SHISA9: variants seen among roughly 807,000 people sequenced by gnomAD.
The protein encoded by SHISA9 is protein shisa-9.
SHISA9 carries 13 observed loss-of-function variants against 38.0 expected under a neutral mutation model. That is an observed-to-expected ratio of 0.34 (90% CI 0.22 to 0.54). SHISA9 has a LOEUF of 0.54. SHISA9 is among the 20% of genes least tolerant of loss of function. SHISA9 has a pLI of 0.91. For synonymous variants in SHISA9, 275 were observed against 242.0 expected, an observed-to-expected ratio of 1.14 and a Z score of -1.27; for missense variants, 538 against 575.8, an observed-to-expected ratio of 0.93 and a Z score of 0.67.
the SHISA9 span, among the ~76,000 whole-genome samples, chr16:13,468,835 A>G: frequency 3.9e-5 from 6 of 152,046 alleles, no homozygotes; most frequent in South Asian, 2.1e-4. Flanking sequence ...AATAAAATAT[A>G]TATGTATTCT....
the SHISA9 span, among the ~76,000 whole-genome samples, chr16:13,462,187 T>C: frequency 6.6e-6 from 1 of 151,676 alleles, no homozygotes; most frequent in African/African-American, 2.4e-5. Flanking sequence ...GGGAGGATTA[T>C]TCGAGCCCAG....
intron 2 of SHISA9, among the ~76,000 whole-genome samples, chr16:13,155,599 TG>T (rs2050537732): frequency 1.3e-5 from 2 of 151,774 alleles, no homozygotes; most frequent in Non-Finnish European, 2.9e-5. Context: ...GGTGTGTGTG[TG>T]TGTGTCTGTG....
chr16:13,494,095 A>G, the SHISA9 span, among the ~76,000 whole-genome samples: 1 of 152,232 alleles, frequency 6.6e-6, no homozygotes, highest in Non-Finnish European at 1.5e-5. Context: ...AGAAGGATAG[A>G]GAAATAGTGG....
At chr16:13,157,169 C>T (rs1198746384) in intron 2 of SHISA9, among the ~76,000 whole-genome samples, 1 of 152,144 alleles carries the variant, frequency 6.6e-6, no homozygotes, top group East Asian at 1.9e-4. Context: ...TCCCCCCATC[C>T]ATCCATCCAT....
the SHISA9 span, among the ~76,000 whole-genome samples, chr16:13,512,973 C>A: frequency 6.6e-6 from 1 of 152,040 alleles, no homozygotes; most frequent in African/African-American, 2.4e-5. Flanking sequence ...ATGAAAACAC[C>A]AAAAGCAATT....
chr16:13,332,398 T>C, the SHISA9 span: 10 of 152,158 alleles, frequency 6.6e-5, no homozygotes, highest in African/African-American at 2.2e-4. Context: ...CCATTTCTTG[T>C]TGGAAAAATA....
At chr16:13,522,402 T>TC in the SHISA9 span, among the ~76,000 whole-genome samples, 1 of 152,014 alleles carries the variant, frequency 6.6e-6, no homozygotes, top group Non-Finnish European at 1.5e-5. Context: ...CATCGGCCCC[T>TC]CCCCCTCAGT....
chr16:13,452,358 G>A, the SHISA9 span, among the ~76,000 whole-genome samples: 1 of 152,206 alleles, frequency 6.6e-6, no homozygotes, highest in Non-Finnish European at 1.5e-5. Flanking sequence ...CTGAGGCTTT[G>A]CTTCTTATTC....
chr16:13,285,686 C>T, the SHISA9 span, among the ~76,000 whole-genome samples: 2 of 152,044 alleles, frequency 1.3e-5, no homozygotes, highest in South Asian at 4.1e-4. Flanking sequence ...GTATATAAGA[C>T]ATTATCCTAA....
the SHISA9 span, among the ~76,000 whole-genome samples, chr16:13,449,246 A>T: frequency 6.6e-6 from 1 of 152,244 alleles, no homozygotes; most frequent in South Asian, 2.1e-4. Context: ...CAAAGACAGC[A>T]AGAAATAGAC....
At chr16:13,312,740 A>G in the SHISA9 span, among the ~76,000 whole-genome samples, 1 of 152,214 alleles carries the variant, frequency 6.6e-6, no homozygotes, top group African/African-American at 2.4e-5. Context: ...AATATGGAAT[A>G]TTATGCTCTC....
intron 2 of SHISA9, among the ~76,000 whole-genome samples, chr16:13,037,857 A>G (rs2073092681): frequency 6.6e-6 from 1 of 152,218 alleles, no homozygotes; most frequent in South Asian, 2.1e-4. Context: ...ATCAAGGGTC[A>G]CTTAAAAATC....
the SHISA9 span, among the ~76,000 whole-genome samples, chr16:13,410,547 A>G: frequency 6.6e-6 from 1 of 152,206 alleles, no homozygotes; most frequent in Non-Finnish European, 1.5e-5. Context: ...AAAATTAAAG[A>G]CGGTGCTAAT....
chr16:13,419,144 C>G, the SHISA9 span, among the ~76,000 whole-genome samples: 1 of 152,186 alleles, frequency 6.6e-6, no homozygotes, highest in African/African-American at 2.4e-5. Context: ...ACCTCACCCT[C>G]CAGGGTTTAG....
At chr16:13,305,129 G>C in the SHISA9 span, among the ~76,000 whole-genome samples, 3 of 152,128 alleles carry the variant, frequency 2.0e-5, no homozygotes, top group Middle Eastern at 3.2e-3. Context: ...GTCTGAACAC[G>C]AAATTCATTT....
the SHISA9 span, among the ~76,000 whole-genome samples, chr16:13,310,102 G>T: frequency 6.6e-6 from 1 of 152,134 alleles, no homozygotes; most frequent in East Asian, 1.9e-4. Context: ...TGGCCAGGCT[G>T]GTCTTGAACT....
chr16:13,014,009 G>A (rs545855622), intron 2 of SHISA9, among the ~76,000 whole-genome samples: 1 of 152,134 alleles, frequency 6.6e-6, no homozygotes, highest in Non-Finnish European at 1.5e-5. Flanking sequence ...GATTACAGGC[G>A]TGAACCACCG....
chr16:13,320,639 A>T, the SHISA9 span, among the ~76,000 whole-genome samples: 1 of 152,224 alleles, frequency 6.6e-6, no homozygotes, highest in African/African-American at 2.4e-5. Context: ...TCTTCCAGAG[A>T]TCAAGTCTTA....
the SHISA9 span, among the ~76,000 whole-genome samples, chr16:13,317,902 G>A: frequency 6.6e-6 from 1 of 151,972 alleles, no homozygotes; most frequent in African/African-American, 2.4e-5. Flanking sequence ...ACTTGGAAGT[G>A]AAAACCCTCA....
Sources: gnomAD v4.1 joint callset for allele counts (sites outside exome capture counted in the v4.1 genomes callset) on GRCh38, gnomAD v4.1.1 for gene constraint, MANE v1.5 for transcripts, NCBI Gene and HGNC (gene_info 2026-07-23, HGNC 2026-07-21) for gene names.